ELF2: variants seen among roughly 807,000 people sequenced by gnomAD.
ELF2 encodes E74 like ETS transcription factor 2.
A neutral mutation model predicts 54.8 loss-of-function variants in ELF2; 11 were observed. The ratio of observed to expected loss-of-function variants is 0.20; its 90% CI spans 0.13 to 0.33. The LOEUF is 0.33. ELF2 is among the 10% of genes least tolerant of loss of function. The probability of loss-of-function intolerance (pLI) is 1.00; values close to 1 mark genes in which losing one functional copy is unlikely to be tolerated. For missense variants in ELF2, 513 were observed against 703.0 expected, an observed-to-expected ratio of 0.73 and a Z score of 3.06; for synonymous variants, 203 against 245.1, an observed-to-expected ratio of 0.83 and a Z score of 1.61.
chr4:139,142,034 C>T (rs1278422124), intron 1 of ELF2, among the ~76,000 whole-genome samples: 3 of 152,104 alleles, frequency 2.0e-5, no homozygotes, highest in Admixed American at 6.6e-5. Flanking sequence ...TTTAGGTGCC[C>T]GGGTCCAGTA....
intron 1 of ELF2, among the ~76,000 whole-genome samples, chr4:139,170,367 C>T (rs1184218189): frequency 2.1e-5 from 3 of 145,070 alleles, no homozygotes; most frequent in East Asian, 2.0e-4. Context: ...CGGGTTCAAG[C>T]GATTCTCTGT....
chr4:139,109,006 T>C (rs982395046), intron 4 of ELF2, among the ~76,000 whole-genome samples: 2 of 152,132 alleles, frequency 1.3e-5, no homozygotes, highest in African/African-American at 2.4e-5. Flanking sequence ...AAAAACATCA[T>C]GGAAAGTATC....
In ELF2 at chr4:139,135,234, T is replaced by C. The variant is rs887796360; in HGVS notation, c.72+2396A>G. On this transcript the variant is annotated intron_variant, in intron 3 of 9. Coordinates refer to ENST00000686138, the MANE Select transcript of ELF2 (RefSeq NM_001331036.3). ...ATTCTATTATACATATACTACTATATATATGTGTGTGTGTGTGTGTGTGTG... is the reference window on the plus strand; with the variant it reads ...ATTCTATTATACATATACTACTATACATATGTGTGTGTGTGTGTGTGTGTG... Among the ~76,000 whole-genome samples, 6 of 91,696 alleles carry C rather than the reference T, an allele frequency of 6.5e-5. No individual in the cohort carries two copies. The East Asian group carries it at 1.5e-3, about 23-fold the overall frequency. 60.2% of individuals were successfully genotyped at this position (91,696 alleles called of 152,430 possible). A position where few individuals can be genotyped will look rare whatever the true frequency, so the allele number is the denominator to read the frequency against.
chr4:139,157,837 T>C (rs1378770480), intron 1 of ELF2, among the ~76,000 whole-genome samples: 2 of 152,200 alleles, frequency 1.3e-5, no homozygotes, highest in East Asian at 1.9e-4. Flanking sequence ...TGTTTTATGA[T>C]GGTGAAAATT....
chr4:139,064,815 G>T (rs767335248), intron 7 of ELF2, among the ~76,000 whole-genome samples: 7 of 152,056 alleles, frequency 4.6e-5, no homozygotes, highest in Non-Finnish European at 1.0e-4. Flanking sequence ...GGGAGGCAGA[G>T]GTTGCAGTGA....
At chr4:139,160,114 G>C (rs1414263615) in intron 1 of ELF2, among the ~76,000 whole-genome samples, 1 of 152,170 alleles carries the variant, frequency 6.6e-6, no homozygotes, top group Non-Finnish European at 1.5e-5. Flanking sequence ...AAGGCGGGCA[G>C]ATCACGAGGT....
At chr4:139,095,571 AT>A (rs989846803) in intron 4 of ELF2, among the ~76,000 whole-genome samples, 21 of 152,078 alleles carry the variant, frequency 1.4e-4, no homozygotes, top group Non-Finnish European at 2.8e-4. Flanking sequence ...ATTTTAACAA[AT>A]TTTTTTTAAA....
upstream of ELF2, among the ~76,000 whole-genome samples, chr4:139,177,601 C>T (rs1337551479): frequency 1.3e-5 from 2 of 152,138 alleles, no homozygotes; most frequent in Non-Finnish European, 2.9e-5. Flanking sequence ...CCCGATCTCG[C>T]TCTCCACTCC....
chr4:139,148,076 G>A (rs968217807), intron 1 of ELF2, among the ~76,000 whole-genome samples: 12 of 146,908 alleles, frequency 8.2e-5, no homozygotes, highest in Admixed American at 3.4e-4. Context: ...ATGAGCCACC[G>A]TGCCCAGCCA....
At chr4:139,128,106 G>GA (rs988931103) in intron 3 of ELF2, among the ~76,000 whole-genome samples, 3 of 151,438 alleles carry the variant, frequency 2.0e-5, no homozygotes, top group Non-Finnish European at 2.9e-5. Flanking sequence ...CCTATCTCTA[G>GA]AAAAAATAAA....
At chr4:139,085,800 G>A (rs926161577) in intron 4 of ELF2, among the ~76,000 whole-genome samples, 1 of 152,150 alleles carries the variant, frequency 6.6e-6, no homozygotes, top group Non-Finnish European at 1.5e-5. Flanking sequence ...GCTGGGCATT[G>A]TGGTGGGCCT....
At chr4:139,135,378 T>C (rs1056150280) in intron 3 of ELF2, among the ~76,000 whole-genome samples, 2 of 151,892 alleles carry the variant, frequency 1.3e-5, no homozygotes, top group Non-Finnish European at 2.9e-5. Context: ...AATCAAACCA[T>C]GTTTCCAGTA....
intron 3 of ELF2, among the ~76,000 whole-genome samples, chr4:139,128,305 C>G (rs1381176886): frequency 2.0e-5 from 3 of 151,946 alleles, no homozygotes; most frequent in African/African-American, 4.8e-5. Flanking sequence ...ATTAAACTCT[C>G]ATTTCTTTTA....
At chr4:139,138,753 T>C (rs981215986) in intron 2 of ELF2, among the ~76,000 whole-genome samples, 6 of 152,222 alleles carry the variant, frequency 3.9e-5, no homozygotes, top group African/African-American at 1.4e-4. Flanking sequence ...AATAAAGTAG[T>C]TTAAAAATAA....
intron 1 of ELF2, among the ~76,000 whole-genome samples, chr4:139,171,676 C>G (rs1452217410): frequency 6.6e-6 from 1 of 152,032 alleles, no homozygotes; most frequent in South Asian, 2.1e-4. Flanking sequence ...GTAATCCTAG[C>G]ACTTTGGGAG....
intron 4 of ELF2, among the ~76,000 whole-genome samples, chr4:139,074,544 G>A (rs546294586): frequency 2.4e-4 from 36 of 151,874 alleles, no homozygotes; most frequent in African/African-American, 6.3e-4. Context: ...TGCGGATCAC[G>A]AGGTCAAGAG....
At chr4:139,084,283 A>G in intron 4 of ELF2, 1 of 1,601,312 alleles carries the variant, frequency 6.2e-7, no homozygotes, top group Non-Finnish European at 8.5e-7. Flanking sequence ...CCGGAGACAC[A>G]CGCCGTGCGA....
chr4:139,093,502 G>A (rs1732904320), intron 4 of ELF2, among the ~76,000 whole-genome samples: 1 of 152,160 alleles, frequency 6.6e-6, no homozygotes, highest in Non-Finnish European at 1.5e-5. Context: ...ATAAAGACAG[G>A]AAAGTAAAAT....
Position 139,067,714 on chromosome 4 carries a change from C to G in ELF2, c.583G>C (p.Gly195Arg). The G allele has an allele frequency of 1.2e-6, 2 of 1,610,332 alleles. No individual in the cohort carries two copies. Among genetic ancestry groups the G allele is most frequent in the Non-Finnish European group, 1.7e-6 (2 of 1,177,370 alleles). Residue 195 changes from glycine to arginine, a missense_variant, in exon 7 of 10, where the codon GGT (glycine) becomes CGT (arginine). By Grantham distance (125) the Gly-to-Arg change is moderately radical. Transcript: ENST00000686138. ...CCTTCTCTTGGTTTCTTCTTTATAC[C>G]TAACTCAGGAGACCCATTGGAAATT... ...SPISNGSPEL[G>R]IKKKPREGKG...
Sources: gnomAD v4.1 joint callset for allele counts (sites outside exome capture counted in the v4.1 genomes callset) on GRCh38, gnomAD v4.1.1 for gene constraint, MANE v1.5 for transcripts, NCBI Gene and HGNC (gene_info 2026-07-23, HGNC 2026-07-21) for gene names.